TACC3: variants seen among roughly 807,000 people sequenced by gnomAD.
The protein encoded by TACC3 is transforming acidic coiled-coil-containing protein 3.
TACC3 carries 52 observed loss-of-function variants against 86.0 expected under a neutral mutation model. The ratio of observed to expected loss-of-function variants is 0.60; its 90% CI spans 0.48 to 0.76. TACC3 has a LOEUF of 0.76. Among genes scored for constraint, TACC3 ranks in the 30% least tolerant of loss-of-function variants. TACC3 has a pLI of 0.00. For missense variants in TACC3, 1,120 were observed against 1,070.4 expected (o/e 1.05, Z -0.65); for synonymous variants, 512 against 430.0 (o/e 1.19, Z -2.36).
rs762201078 is a variant in TACC3 at position 1,728,691 on chromosome 4, A to C, written c.1289A>C (p.Gln430Pro). The part of the protein sequence containing the change: ...GDTKSGCSEA[Q>P]PPESPETRLG... Reference sequence around the variant, plus strand: ...ACCAAGTCTGGTTGCAGTGAGGCCCAGCCCCCAGAAAGCCCTGAGACCAGG... The same window carrying C: ...ACCAAGTCTGGTTGCAGTGAGGCCCCGCCCCCAGAAAGCCCTGAGACCAGG... The change falls in exon 4 of 16, where the codon CAG becomes CCG. Residue 430 changes from glutamine (Q) to proline (P), a missense_variant. Transcript: ENST00000313288. 10 of 1,613,582 alleles carry C rather than the reference A, an allele frequency of 6.2e-6. No homozygotes were observed. Among genetic ancestry groups the C allele is most frequent in the African/African-American group, 1.3e-5 (1 of 74,936 alleles).
At chr4:1,723,698 A>G (rs376371364) in intron 2 of TACC3, 30 bp from the exon 3 acceptor site, 8 of 1,613,226 alleles carry the variant, frequency 5.0e-6, no homozygotes, top group African/African-American at 2.7e-5. Context: ...GAACTAATGA[A>G]TAGGTGCTCT....
rs771913700 is a variant in TACC3, at chr4:1,723,722, CA to C, written c.163-4del. On this transcript the variant is annotated splice_region_variant and splice_polypyrimidine_tract_variant and intron_variant, in intron 2 of 15. Transcript: ENST00000313288. ...AATAGGTGCTCTCCTCCTCACTCCG[CA>C]ACAGGTGACTTTTCAGACACCTCTG... 6.2e-7 allele frequency: 1 copy of C among 1,613,680 alleles called. No homozygotes were observed. The highest frequency in any genetic ancestry group is 1.1e-5 in the South Asian group (1 of 91,088).
chr4:1,737,425 T>A, intron 9 of TACC3, 97 bp downstream of exon 9: 1 of 1,310,024 alleles, frequency 7.6e-7, no homozygotes, highest in Non-Finnish European at 1.1e-6. Context: ...GGTCTGAGCC[T>A]TTGGTTTTGT....
chr4:1,739,421 G>T, intron 10 of TACC3: 1 of 514,854 alleles, frequency 1.9e-6, no homozygotes, highest in Non-Finnish European at 3.5e-6. Context: ...GGGCTGCGGG[G>T]GCAGCTGCAG....
rs1423849060 is a variant in TACC3 at position 1,740,899 on chromosome 4, C to T, written c.2136C>T (p.Thr712=). The change falls in exon 13 of 16, where the codon ACC becomes ACT. Residue 712 remains threonine, a synonymous_variant. Coordinates refer to ENST00000313288, the MANE Select transcript of TACC3 (RefSeq NM_006342.3). ...TTCTAAAAGAAAAAGACCAACTTAC[C>T]ACAGATCTGAACTCCATGGAGAAGT... ...QKVLKEKDQL[T]TDLNSMEKSF... is the part of the protein sequence containing the mutation. 1.9e-6 allele frequency: 3 copies of T among 1,613,282 alleles called. No individual in the cohort carries two copies. The highest frequency in any genetic ancestry group is 2.5e-6 in the Non-Finnish European group (3 of 1,179,796).
upstream of TACC3, chr4:1,720,814 G>A (rs766027254): frequency 5.7e-6 from 9 of 1,592,788 alleles, no homozygotes; most frequent in Middle Eastern, 1.7e-4. The surrounding 1 kb of genome is among the most constrained non-coding windows in gnomAD (Gnocchi z 4.4). Context: ...AGGCGAGAGT[G>A]AAGGTCACCT....
chr4:1,743,087 C>T (rs1479710409), intron 13 of TACC3, among the ~76,000 whole-genome samples: 1 of 150,920 alleles, frequency 6.6e-6, no homozygotes, highest in Admixed American at 6.6e-5. Flanking sequence ...CATGGTGAAA[C>T]CCTTTCTGTA....
intron 13 of TACC3, 114 bp downstream of exon 13, chr4:1,741,100 T>G: frequency 9.7e-7 from 1 of 1,032,028 alleles, no homozygotes; most frequent in Non-Finnish European, 1.4e-6. Flanking sequence ...AAGCCTCCCC[T>G]TGCCACGGGG....
intron 3 of TACC3, among the ~76,000 whole-genome samples, chr4:1,725,876 A>G (rs1794002): frequency 0.4 from 61,169 of 152,212 alleles, 12,681 homozygotes; most frequent in Non-Finnish European, 0.46. Flanking sequence ...CCGCCTGGGA[A>G]GGCAGTGCCG....
At position 1,740,925 on chromosome 4, in the gene TACC3, C is replaced by T. The variant is rs1718566111; in HGVS notation, c.2162C>T (p.Ser721Phe). Reference sequence around the variant, plus strand: ...ACAGATCTGAACTCCATGGAGAAGTCCTTCTCCGACCTCTTCAAGCGTTTT... The same window carrying T: ...ACAGATCTGAACTCCATGGAGAAGTTCTTCTCCGACCTCTTCAAGCGTTTT... ...LTTDLNSMEK[S>F]FSDLFKRFEK... Residue 721 changes from serine to phenylalanine, a missense_variant, in exon 13 of 16, where the codon TCC (serine) becomes TTC (phenylalanine). Ser to Phe is a radical substitution (Grantham distance 155, BLOSUM62 -2). Coordinates refer to ENST00000313288, the MANE Select transcript of TACC3 (RefSeq NM_006342.3). 6.2e-7 allele frequency: 1 copy of T among 1,612,290 alleles called. No homozygotes were observed. Among genetic ancestry groups the T allele is most frequent in the Non-Finnish European group, 8.5e-7 (1 of 1,179,456 alleles).
Position 1,739,711 on chromosome 4 carries a change from A to G in TACC3, c.1951A>G (p.Thr651Ala), listed in dbSNP as rs1413276446. Residue 651 changes from threonine (T) to alanine (A), a missense_variant, in exon 11 of 16, where the codon ACA (threonine) becomes GCA (alanine). Thr to Ala is a moderately conservative substitution (Grantham distance 58). Coordinates refer to ENST00000313288, the MANE Select transcript of TACC3 (RefSeq NM_006342.3). ...QKDLDAVVKA[T>A]QEENRELRSR... ...GGTGTGGCCTGAGCAGGTAAAGGCG[A>G]CACAGGAGGAGAACCGGGAGCTGAG... The G allele has an allele frequency of 5.1e-6, 8 of 1,581,320 alleles. No homozygotes were observed. In the African/African-American group the frequency reaches 9.4e-5, roughly 19 times the overall value.
chr4:1,735,212 G>A lies in TACC3; in HGVS notation c.1592-61G>A, dbSNP rs1279979598. The A allele has an allele frequency of 4.0e-5, 64 of 1,604,108 alleles. No individual in the cohort carries two copies. The highest frequency in any genetic ancestry group is 5.1e-5 in the Non-Finnish European group (60 of 1,172,402). ...TCACTGAGTGCTGAGGGAGACACCAGCCCGCCGCCCTTAGGGCCCTGGTGA... is the reference window on the plus strand; with the variant it reads ...TCACTGAGTGCTGAGGGAGACACCAACCCGCCGCCCTTAGGGCCCTGGTGA... On this transcript the variant is annotated intron_variant, in intron 6 of 15. Coordinates refer to ENST00000313288, the MANE Select transcript of TACC3 (RefSeq NM_006342.3). The surrounding 1 kb of genome is among the most constrained non-coding windows in gnomAD (Gnocchi z 4.2).
Position 1,731,211 on chromosome 4 carries a change from A to G in TACC3, c.1501A>G (p.Ser501Gly). 2 of 1,613,410 alleles carry G rather than the reference A, an allele frequency of 1.2e-6. No homozygotes were observed. The highest frequency in any genetic ancestry group is 1.7e-6 in the Non-Finnish European group (2 of 1,180,014). ...CTCTGCCAGCACCTCGCTTCCCACA[A>G]GCTGTCCAGGCAGTGAGCCAGTGCC... ...LNSASTSLPTSCPGSEPVPTH... is the reference protein window; with the variant it reads ...LNSASTSLPTGCPGSEPVPTH... Residue 501 changes from serine (S) to glycine (G), a missense_variant, in exon 6 of 16, where the codon AGC becomes GGC. Physicochemically the swap from Ser to Gly is moderately conservative, Grantham distance 56. Transcript: ENST00000313288.
chr4:1,740,736 C>T (rs1718553366), intron 12 of TACC3, 90 bp from the exon 13 acceptor site: 8 of 1,219,870 alleles, frequency 6.6e-6, no homozygotes, highest in East Asian at 2.4e-5. Context: ...TCCTGGCGCT[C>T]GAGTCCCTTG....
In TACC3 at chr4:1,744,484, G is replaced by A. The variant is rs370310755; in HGVS notation, c.2224-34G>A. The A allele has an allele frequency of 5.9e-5, 94 of 1,596,194 alleles. No homozygotes were observed. In the East Asian group the frequency reaches 1.2e-3, roughly 20 times the overall value. On this transcript the variant is annotated intron_variant, in intron 13 of 15. Coordinates refer to ENST00000313288, the MANE Select transcript of TACC3 (RefSeq NM_006342.3). The stretch of plus-strand genomic sequence containing the variant: ...GCCTGGGTGCTCTCCAGCAGACGGC[G>A]TGGTACCCACAGCTAATGCCTGCCC...
rs1173654639 is a variant in TACC3 at position 1,740,849 on chromosome 4, C to T, written c.2086C>T (p.Leu696Phe). ...AGAGGAAGTTCAGAAGCAGAAGGAA[C>T]TTTCCAAAGCTGAAATCCAGAAAGT... ...AMEEVQKQKELSKAEIQKVLK... is the reference protein window; with the variant it reads ...AMEEVQKQKEFSKAEIQKVLK... The change falls in exon 13 of 16, where the codon CTT (leucine) becomes TTT (phenylalanine). Residue 696 changes from leucine (L) to phenylalanine (F), a missense_variant. Physicochemically the swap from Leu to Phe is conservative, Grantham distance 22 (BLOSUM62 0). Transcript: ENST00000313288. 1 of 1,609,616 alleles carries T rather than the reference C, an allele frequency of 6.2e-7. No homozygotes were observed. The highest frequency in any genetic ancestry group is 2.2e-5 in the East Asian group (1 of 44,862).
chr4:1,730,687 T>C, intron 4 of TACC3, 200 bp from the exon 5 acceptor site: 3 of 725,852 alleles, frequency 4.1e-6, no homozygotes, highest in Non-Finnish European at 7.5e-6. Context: ...AAGGCGCGTG[T>C]TTTCCTGCTG....
rs140344901 is a variant in TACC3 at position 1,737,277 on chromosome 4, G to A, written c.1785G>A (p.Pro595=). The change falls in exon 9 of 16, where the codon CCG becomes CCA. Residue 595 remains proline (P), a synonymous_variant. Coordinates refer to ENST00000313288, the MANE Select transcript of TACC3 (RefSeq NM_006342.3). The part of the protein sequence containing the change: ...HGANETPSGR[P]REAKLVEFDF... ...CAAATGAGACTCCCTCAGGACGTCC[G>A]CGGGAAGCCAAGCTTGTGGAGTTCG... 186 of 1,614,142 alleles carry A rather than the reference G, an allele frequency of 1.2e-4. 1 individual carries two copies. The highest frequency in any genetic ancestry group is 1.0e-3 in the South Asian group (93 of 91,084).
At chr4:1,723,361 T>C in intron 1 of TACC3, 60 bp from the exon 2 acceptor site, 1 of 1,565,604 alleles carries the variant, frequency 6.4e-7, no homozygotes, top group African/African-American at 1.4e-5. Context: ...GTCACGTCTG[T>C]GTCTGGACAA....
Sources: gnomAD v4.1 joint callset for allele counts (sites outside exome capture counted in the v4.1 genomes callset) on GRCh38, gnomAD v4.1.1 for gene constraint, Gnocchi (gnomAD v3.1) non-coding constraint, MANE v1.5 for transcripts, NCBI Gene and HGNC (gene_info 2026-07-23, HGNC 2026-07-21) for gene names.